Variants in NWD2 observed in about 807,000 individuals in gnomAD.
The protein encoded by NWD2 is NACHT and WD repeat domain containing 2.
A neutral mutation model predicts 132.7 loss-of-function variants in NWD2; 37 were observed. The observed-to-expected ratio is 0.28, with a 90% confidence interval of 0.21 to 0.37. The LOEUF is 0.37. Among genes scored for constraint, NWD2 ranks in the 10% least tolerant of loss-of-function variants. NWD2 has a pLI of 1.00. For missense variants in NWD2, 1,592 were observed against 2,122.4 expected, an observed-to-expected ratio of 0.75 and a Z score of 4.91; for synonymous variants, 705 against 803.0, an observed-to-expected ratio of 0.88 and a Z score of 2.06.
chr4:37,254,909 C>A lies in NWD2; in HGVS notation c.151+9691C>A, dbSNP rs183436368. ...CAGGTGTATTATTCCTAGAGTATTA[C>A]GGAATTTCACTCGGATGAAACCACA... On this transcript the variant is annotated intron_variant, in intron 1 of 6. Transcript: ENST00000309447. Among the ~76,000 whole-genome samples the A allele has an allele frequency of 1.3e-3, 199 of 152,268 alleles. 2 individuals are homozygous for A. The highest frequency in any genetic ancestry group is 2.2e-3 in the Admixed American group (33 of 15,296).
intron 1 of NWD2, among the ~76,000 whole-genome samples, chr4:37,265,113 G>A (rs937445760): frequency 1.3e-5 from 2 of 151,774 alleles, no homozygotes; most frequent in African/African-American, 2.4e-5. Flanking sequence ...CAAAAAGCGC[G>A]GGAGGTGAAA....
intron 1 of NWD2, among the ~76,000 whole-genome samples, chr4:37,274,534 C>G (rs1246457425): frequency 6.6e-6 from 1 of 152,136 alleles, no homozygotes; most frequent in Non-Finnish European, 1.5e-5. Context: ...CCTTCTGAAA[C>G]TATTCCAATC....
chr4:37,383,328 A>G (rs1330778520), intron 3 of NWD2, among the ~76,000 whole-genome samples: 1 of 152,222 alleles, frequency 6.6e-6, no homozygotes, highest in Non-Finnish European at 1.5e-5. Context: ...TTTAGATTTC[A>G]TCATGTGGGC....
At chr4:37,363,243 G>C (rs78178169) in intron 3 of NWD2, among the ~76,000 whole-genome samples, 3,503 of 152,256 alleles carry the variant, frequency 0.023, 102 homozygotes, top group East Asian at 0.12. Context: ...GTCAAAAGCA[G>C]TTTGGAGATT....
chr4:37,410,922 A>C (rs749272060), intron 3 of NWD2, among the ~76,000 whole-genome samples: 6 of 152,238 alleles, frequency 3.9e-5, no homozygotes, highest in Non-Finnish European at 7.3e-5. Context: ...AGAAGGCAGA[A>C]ATAAAGGTGT....
chr4:37,404,130 G>T (rs1362283560), intron 3 of NWD2, among the ~76,000 whole-genome samples: 1 of 152,096 alleles, frequency 6.6e-6, no homozygotes, highest in African/African-American at 2.4e-5. Context: ...ACAGGATTTT[G>T]AACTTCAAAG....
At position 37,364,088 on chromosome 4, in the gene NWD2, A is replaced by T. The variant is rs142521301; in HGVS notation, c.357+7606A>T. On this transcript the variant is annotated intron_variant, in intron 3 of 6. Coordinates refer to ENST00000309447, the MANE Select transcript of NWD2 (RefSeq NM_001144990.2). ...AGGAGGCGGAGGTTGCAGTGAGCCAAGATCACACCACTGCATTCCAGCCTG... is the reference window on the plus strand; with the variant it reads ...AGGAGGCGGAGGTTGCAGTGAGCCATGATCACACCACTGCATTCCAGCCTG... Among the ~76,000 whole-genome samples the T allele has an allele frequency of 6.1e-3, 923 of 152,338 alleles. 10 individuals carry two copies. Among genetic ancestry groups the T allele is most frequent in the African/African-American group, 0.021 (865 of 41,572 alleles).
intron 3 of NWD2, among the ~76,000 whole-genome samples, chr4:37,409,398 G>T (rs1453134571): frequency 6.6e-6 from 1 of 151,718 alleles, no homozygotes; most frequent in East Asian, 2.0e-4. Flanking sequence ...TCAAGCAGAA[G>T]AAAGGATATC....
chr4:37,329,082 T>C (rs531863823), intron 2 of NWD2, among the ~76,000 whole-genome samples: 1 of 152,210 alleles, frequency 6.6e-6, no homozygotes, highest in Non-Finnish European at 1.5e-5. Context: ...AGATATAACT[T>C]GCAAAAGAAA....
At chr4:37,368,702 C>G (rs894869282) in intron 3 of NWD2, among the ~76,000 whole-genome samples, 2 of 151,388 alleles carry the variant, frequency 1.3e-5, no homozygotes, top group Non-Finnish European at 3.0e-5. Flanking sequence ...GGTGAGGGTA[C>G]TTTGATTGTC....
At chr4:37,428,291 C>A (rs1712062215) in intron 3 of NWD2, among the ~76,000 whole-genome samples, 1 of 152,158 alleles carries the variant, frequency 6.6e-6, no homozygotes, top group South Asian at 2.1e-4. Flanking sequence ...ATAAACACAG[C>A]TTGATGTTTA....
At chr4:37,381,856 A>G (rs991379486) in intron 3 of NWD2, among the ~76,000 whole-genome samples, 3 of 152,248 alleles carry the variant, frequency 2.0e-5, no homozygotes, top group Non-Finnish European at 4.4e-5. Context: ...AAAGAATTCA[A>G]CTATGAAGTA....
intron 2 of NWD2, among the ~76,000 whole-genome samples, chr4:37,333,068 A>G (rs540012210): frequency 1.3e-5 from 2 of 152,306 alleles, no homozygotes; most frequent in Admixed American, 6.5e-5. Context: ...CAGCTCAGCC[A>G]CAGTAGAATA....
chr4:37,293,730 A>AG (rs553749313), intron 1 of NWD2, among the ~76,000 whole-genome samples: 53 of 152,314 alleles, frequency 3.5e-4, no homozygotes, highest in African/African-American at 1.2e-3. Flanking sequence ...TATACGAAGA[A>AG]GGAATATATG....
chr4:37,447,706 C>T lies in NWD2; in HGVS notation c.*489C>T, dbSNP rs569877377. Reference sequence around the variant, plus strand: ...CTGTGTACACCTAGTCTGCAGTGAACGGTCTAAAGGTGCAAAATATGTAAC... The same window carrying T: ...CTGTGTACACCTAGTCTGCAGTGAATGGTCTAAAGGTGCAAAATATGTAAC... On this transcript the variant is annotated 3_prime_UTR_variant, in exon 7 of 7. Coordinates refer to ENST00000309447, the MANE Select transcript of NWD2 (RefSeq NM_001144990.2). The T allele has an allele frequency of 1.8e-5, 3 of 163,190 alleles. No individual in the cohort carries two copies. Among genetic ancestry groups the T allele is most frequent in the Non-Finnish European group, 2.7e-5 (2 of 73,700 alleles). The allele number at this position is 163,190 out of a possible 1,614,324, so 10.1% of individuals were successfully genotyped here.
chr4:37,253,546 G>C (rs998518096), intron 1 of NWD2, among the ~76,000 whole-genome samples: 1 of 152,138 alleles, frequency 6.6e-6, no homozygotes, highest in African/African-American at 2.4e-5. Context: ...GTTAAATGAG[G>C]TAAAGGGAGT....
At position 37,292,802 on chromosome 4, in the gene NWD2, G is replaced by A. The variant is rs1036678886; in HGVS notation, c.152-33134G>A. 3.9e-5 allele frequency among the ~76,000 whole-genome samples: 6 copies of A among 151,966 alleles called. No individual in the cohort carries two copies. In the South Asian group the frequency reaches 6.2e-4, roughly 16 times the overall value. The stretch of plus-strand genomic sequence containing the variant: ...GGTTCTCTTAAAGAGTGTGCATCCC[G>A]GATCCCGCACACGCCCAGTTCACCA... On this transcript the variant is annotated intron_variant, in intron 1 of 6. Transcript: ENST00000309447.
At chr4:37,386,361 C>A (rs1720564544) in intron 3 of NWD2, among the ~76,000 whole-genome samples, 1 of 152,086 alleles carries the variant, frequency 6.6e-6, no homozygotes, top group African/African-American at 2.4e-5. Flanking sequence ...GAAAATTGAA[C>A]ATAGAAGTGT....
chr4:37,288,525 A>T (rs1718289201), intron 1 of NWD2, among the ~76,000 whole-genome samples: 1 of 152,244 alleles, frequency 6.6e-6, no homozygotes, highest in Non-Finnish European at 1.5e-5. Flanking sequence ...CAAATTGAAC[A>T]TGTTATTCAT....
Sources: allele counts gnomAD v4.1 joint callset (sites outside exome capture counted in the v4.1 genomes callset), GRCh38; gene constraint gnomAD v4.1.1; transcripts MANE v1.5; gene names NCBI Gene and HGNC (gene_info 2026-07-23, HGNC 2026-07-21).